Variants in KCNN2 observed in about 807,000 individuals in gnomAD.
KCNN2 encodes the protein small conductance calcium-activated potassium channel protein 2.
In KCNN2, 24 loss-of-function variants were observed where a neutral mutation model predicts 55.5. That is an observed-to-expected ratio of 0.43 (90% confidence interval 0.31 to 0.61). The LOEUF (loss-of-function observed/expected upper bound fraction) is 0.61. Among genes scored for constraint, KCNN2 ranks in the 20% least tolerant of loss-of-function variants. The probability of loss-of-function intolerance (pLI) is 0.08; values close to 1 mark genes in which losing one functional copy is unlikely to be tolerated. For missense variants in KCNN2, 754 were observed against 853.6 expected, an observed-to-expected ratio of 0.88 and a Z score of 1.45; for synonymous variants, 431 against 336.1, an observed-to-expected ratio of 1.28 and a Z score of -3.09.
At chr5:114,265,255 G>C (rs1027631071) in intron 2 of KCNN2, among the ~76,000 whole-genome samples, 1 of 151,752 alleles carries the variant, frequency 6.6e-6, no homozygotes, top group Non-Finnish European at 1.5e-5. Context: ...AGAAAATCCT[G>C]TTATAAAATT....
At chr5:114,288,098 C>T (rs970889486) in intron 2 of KCNN2, among the ~76,000 whole-genome samples, 3 of 152,182 alleles carry the variant, frequency 2.0e-5, no homozygotes, top group Non-Finnish European at 4.4e-5. Flanking sequence ...TGTTATACAA[C>T]GTGTGCTCTT....
chr5:114,123,692 AT>A (rs1751873140), intron 1 of KCNN2, among the ~76,000 whole-genome samples: 1 of 152,156 alleles, frequency 6.6e-6, no homozygotes, highest in African/African-American at 2.4e-5. Context: ...GTCAGATCAA[AT>A]AAAAAGGTCC....
chr5:114,353,073 C>G (rs928860060), intron 2 of KCNN2, among the ~76,000 whole-genome samples: 2 of 151,760 alleles, frequency 1.3e-5, no homozygotes, highest in Non-Finnish European at 3.0e-5. Flanking sequence ...TGTTTTTATG[C>G]ACATATATGT....
chr5:114,363,331 G>T (rs1580750355), intron 1 of KCNN2, 70 bp downstream of exon 1: 1 of 1,458,788 alleles, frequency 6.9e-7, no homozygotes, highest in South Asian at 1.4e-5. Context: ...CACTGGCGGG[G>T]ACCCTTTGCG....
At chr5:114,368,512 G>C (rs1467521096) in intron 2 of KCNN2, among the ~76,000 whole-genome samples, 2 of 152,128 alleles carry the variant, frequency 1.3e-5, no homozygotes, top group South Asian at 2.1e-4. Flanking sequence ...CTACTAGTAG[G>C]CTCTGTGGTT....
At chr5:114,463,942 A>C (rs1173591298) in intron 4 of KCNN2, among the ~76,000 whole-genome samples, 1 of 152,168 alleles carries the variant, frequency 6.6e-6, no homozygotes, top group Admixed American at 6.5e-5. Context: ...ATGAGGCAAG[A>C]AGGAGCTCAG....
At chr5:114,327,662 A>G (rs1167738924) in intron 2 of KCNN2, among the ~76,000 whole-genome samples, 1 of 152,206 alleles carries the variant, frequency 6.6e-6, no homozygotes, top group Non-Finnish European at 1.5e-5. Context: ...TGATATTGGC[A>G]GTGAGTGAGT....
intron 1 of KCNN2, among the ~76,000 whole-genome samples, chr5:114,161,912 G>C (rs1354922449): frequency 6.6e-6 from 1 of 152,090 alleles, no homozygotes; most frequent in Non-Finnish European, 1.5e-5. Context: ...TCTAGTTTTT[G>C]TTCAAGGTTT....
At position 114,241,770 on chromosome 5, in the gene KCNN2, A is replaced by G. The variant is rs1338945268; in HGVS notation, c.-185+20205A>G. On this transcript the variant is annotated intron_variant, in intron 2 of 10. Transcript: ENST00000512097. Reference sequence around the variant, plus strand: ...TATATATGTATATATATACGTATATATATACATATATACGTATATATATGT... The same window carrying G: ...TATATATGTATATATATACGTATATGTATACATATATACGTATATATATGT... Among the ~76,000 whole-genome samples, 8 of 12,334 alleles carry G rather than the reference A, an allele frequency of 6.5e-4. 1 individual carries two copies. Among genetic ancestry groups the G allele is most frequent in the African/African-American group, 2.5e-3 (7 of 2,840 alleles). The allele number at this position is 12,334 out of a possible 152,430, so 8.1% of individuals were successfully genotyped here.
intron 4 of KCNN2, among the ~76,000 whole-genome samples, chr5:114,467,952 C>T (rs532170736): frequency 6.6e-6 from 1 of 152,268 alleles, no homozygotes; most frequent in East Asian, 1.9e-4. Flanking sequence ...TGAGGTACTT[C>T]CTTCTTTCTG....
chr5:114,143,266 A>G (rs570208113), intron 1 of KCNN2, among the ~76,000 whole-genome samples: 2 of 152,282 alleles, frequency 1.3e-5, no homozygotes, highest in East Asian at 3.9e-4. Flanking sequence ...ACAGAGATAA[A>G]AATTTACAAT....
chr5:114,178,949 A>G (rs183706425), intron 1 of KCNN2, among the ~76,000 whole-genome samples: 7 of 152,270 alleles, frequency 4.6e-5, no homozygotes, highest in Admixed American at 4.6e-4. Context: ...GGGAATATGA[A>G]TATGGTCTAG....
intron 1 of KCNN2, among the ~76,000 whole-genome samples, chr5:114,208,804 C>G (rs939076124): frequency 6.6e-6 from 1 of 152,190 alleles, no homozygotes; most frequent in African/African-American, 2.4e-5. Context: ...TTATCTCACT[C>G]TATCACCAAC....
chr5:114,406,334 T>G (rs1299223579), intron 3 of KCNN2, among the ~76,000 whole-genome samples: 1 of 142,922 alleles, frequency 7.0e-6, no homozygotes. Context: ...TGGAAGTCAG[T>G]TTTTTTTTTT....
Position 114,318,769 on chromosome 5 carries a change from A to G in KCNN2, c.-184-42176A>G, listed in dbSNP as rs191638319. On this transcript the variant is annotated intron_variant, in intron 2 of 10. Transcript: ENST00000512097. ...GGTATAAATCATAGTTACAGTTTAG[A>G]TTCTCTTCCTTCATAAATGTTCTTC... is the stretch of plus-strand genomic sequence containing the variant. 1.2e-4 allele frequency among the ~76,000 whole-genome samples: 18 copies of G among 152,136 alleles called. 1 individual carries two copies. Among genetic ancestry groups the G allele is most frequent in the Admixed American group, 1.1e-3 (17 of 15,280 alleles).
chr5:114,313,117 A>T (rs1048198829), intron 2 of KCNN2, among the ~76,000 whole-genome samples: 25 of 152,092 alleles, frequency 1.6e-4, no homozygotes, highest in Non-Finnish European at 3.2e-4. Flanking sequence ...CCTGTACTGT[A>T]CATTTAGCTT....
chr5:114,426,017 CAA>C (rs565439053), intron 3 of KCNN2, among the ~76,000 whole-genome samples: 12 of 140,024 alleles, frequency 8.6e-5, no homozygotes, highest in African/African-American at 7.8e-5. Context: ...CCATCTCTAC[CAA>C]AAAAAAAAAA....
chr5:114,465,623 A>T (rs528768224), intron 4 of KCNN2, among the ~76,000 whole-genome samples: 1 of 152,192 alleles, frequency 6.6e-6, no homozygotes, highest in African/African-American at 2.4e-5. Flanking sequence ...CTCAAAAAAA[A>T]AAAAAGAGAG....
chr5:114,472,334 T>C (rs6870038), intron 4 of KCNN2, among the ~76,000 whole-genome samples: 108,755 of 152,140 alleles, frequency 0.71, 40,911 homozygotes, highest in East Asian at 0.96. Flanking sequence ...CAGAGTCTCT[T>C]TTTCAAGAGA....
Sources: gnomAD v4.1 joint callset for allele counts (sites outside exome capture counted in the v4.1 genomes callset) on GRCh38, gnomAD v4.1.1 for gene constraint, MANE v1.5 for transcripts, NCBI Gene and HGNC (gene_info 2026-07-23, HGNC 2026-07-21) for gene names.